GCA: variants seen among roughly 807,000 people sequenced by gnomAD.
GCA encodes grancalcin, EF-hand calcium-binding protein.
Under a neutral mutation model 32.6 loss-of-function variants are expected in GCA, and 30 were observed. That is an observed-to-expected ratio of 0.92 (90% CI 0.69 to 1.25). The LOEUF (loss-of-function observed/expected upper bound fraction) is 1.25. GCA is among the 50% of genes most tolerant of loss of function. GCA has a pLI of 0.00. For missense variants in GCA, 291 were observed against 266.8 expected (o/e 1.09, Z -0.63); for synonymous variants, 102 against 84.6 (o/e 1.21, Z -1.13).
rs1685836774 is a variant in GCA at position 162,368,855 on chromosome 2, A to G, written c.366-2451A>G. ...AAAAACCCCATGAGAATTGTGCTTC[A>G]TCATTTCTTATTCCTGGTTTTCTCA... On this transcript the variant is annotated intron_variant, in intron 4 of 4. Transcript: ENST00000414723. 2.0e-5 allele frequency among the ~76,000 whole-genome samples: 3 copies of G among 152,156 alleles called. No homozygotes were observed. The South Asian group carries it at 6.2e-4, about 32-fold the overall frequency.
At chr2:162,337,194 A>C (rs1334355248) in intron 1 of GCA, among the ~76,000 whole-genome samples, 6 of 152,304 alleles carry the variant, frequency 3.9e-5, no homozygotes. Flanking sequence ...AATGGAAGCA[A>C]TAGCAGGAAA....
In GCA at chr2:162,359,035, C is replaced by CT; in HGVS notation, c.455-3dup. On this transcript the variant is annotated splice_polypyrimidine_tract_variant and intron_variant, in intron 5 of 7. Coordinates refer to ENST00000437150, the MANE Select transcript of GCA (RefSeq NM_012198.5). ...TACATTTAGAAGTTTTAATTTATCTCTTTTTTAGGTTATAGGTTGAGTCCT... is the reference window on the plus strand; with the variant it reads ...TACATTTAGAAGTTTTAATTTATCTCTTTTTTTAGGTTATAGGTTGAGTCCT... The CT allele has an allele frequency of 2.2e-6, 3 of 1,336,880 alleles. No individual in the cohort carries two copies. The highest frequency in any genetic ancestry group is 1.8e-5 in the Admixed American group (1 of 54,904). The allele number at this position is 1,336,880 out of a possible 1,614,324, so 82.8% of individuals were successfully genotyped here.
chr2:162,334,391 AT>A, intron 1 of GCA, among the ~76,000 whole-genome samples: 1 of 152,282 alleles, frequency 6.6e-6, no homozygotes, highest in South Asian at 2.1e-4. Context: ...CTTCTACTTC[AT>A]TACCTCTACT....
At chr2:162,349,976 T>C (rs549603844) in intron 2 of GCA, among the ~76,000 whole-genome samples, 1 of 152,214 alleles carries the variant, frequency 6.6e-6, no homozygotes, top group Non-Finnish European at 1.5e-5. Flanking sequence ...TTAGACAATA[T>C]ACACAGAATT....
chr2:162,320,670 ATCAT>A (rs1683630361), intron 1 of GCA, among the ~76,000 whole-genome samples: 1 of 152,246 alleles, frequency 6.6e-6, no homozygotes, highest in African/African-American at 2.4e-5. Context: ...TTCAAATTAT[ATCAT>A]TCATTGTATC....
Position 162,371,321 on chromosome 2 carries a change from G to A in GCA, c.382G>A (p.Val128Ile), listed in dbSNP as rs376836298. 100 of 1,287,252 alleles carry A rather than the reference G, an allele frequency of 7.8e-5. No homozygotes were observed. In the African/African-American group the frequency reaches 1.2e-3, roughly 15 times the overall value. The allele number at this position is 1,287,252 out of a possible 1,614,324, so 79.7% of individuals were successfully genotyped here. A position where few individuals can be genotyped will look rare whatever the true frequency, so the allele number is the denominator to read the frequency against. ...TTTCTTCCAGTGTGGAGGAATGAACGTAATTAACTTTGAACATCTTGATAC... is the reference window on the plus strand; with the variant it reads ...TTTCTTCCAGTGTGGAGGAATGAACATAATTAACTTTGAACATCTTGATAC... Residue 128 changes from valine (V) to isoleucine (I), a missense_variant, in exon 5 of 5, where the codon GTA (valine) becomes ATA (isoleucine). Transcript: ENST00000414723.
At chr2:162,344,308 C>T (rs375545511) in intron 1 of GCA, 33 bp downstream of exon 1, 7 of 1,609,968 alleles carry the variant, frequency 4.3e-6, no homozygotes, top group Non-Finnish European at 5.9e-6. Flanking sequence ...TGTCCCTCTT[C>T]CTCGCGGGGT....
At chr2:162,359,593 A>G in intron 7 of GCA, 41 bp downstream of exon 7, 3 of 994,838 alleles carry the variant, frequency 3.0e-6, no homozygotes, top group South Asian at 1.7e-5. Flanking sequence ...CATTCTAGAT[A>G]GTTCTCAGTT....
Position 162,359,177 on chromosome 2 carries a change from A to AAGTCC in GCA, c.568+23_568+24insCCAGT. The stretch of plus-strand genomic sequence containing the variant: ...TGACAGGTATTGACTATTTAAAACT[A>AAGTCC]AGTGCACAGTGTTATGTAGCTATTT... On this transcript the variant is annotated intron_variant, in intron 6 of 7. Transcript: ENST00000437150. 1 of 1,296,964 alleles carries AAGTCC rather than the reference A, an allele frequency of 7.7e-7. No individual in the cohort carries two copies. The highest frequency in any genetic ancestry group is 1.1e-6 in the Non-Finnish European group (1 of 893,256). The allele number at this position is 1,296,964 out of a possible 1,614,324, so 80.3% of individuals were successfully genotyped here.
intron 1 of GCA, among the ~76,000 whole-genome samples, chr2:162,329,604 T>G (rs1019311308): frequency 6.6e-6 from 1 of 151,368 alleles, no homozygotes; most frequent in African/African-American, 2.4e-5. Flanking sequence ...ATATATTTAC[T>G]GGGGTCCATC....
intron 2 of GCA, among the ~76,000 whole-genome samples, chr2:162,349,686 T>A (rs749871294): frequency 2.6e-5 from 4 of 152,074 alleles, no homozygotes; most frequent in Admixed American, 2.0e-4. Flanking sequence ...GTTGGGGCAA[T>A]GTATCAAAGA....
At chr2:162,327,351 T>G (rs1275427320) in intron 1 of GCA, among the ~76,000 whole-genome samples, 2 of 151,778 alleles carry the variant, frequency 1.3e-5, no homozygotes, top group African/African-American at 4.8e-5. Flanking sequence ...AGAAACATTG[T>G]GGGGGGCAGG....
At chr2:162,340,299 T>C (rs1684399131), upstream of GCA, among the ~76,000 whole-genome samples, 1 of 152,120 alleles carries the variant, frequency 6.6e-6, no homozygotes, top group Non-Finnish European at 1.5e-5. Context: ...AAATTTAACA[T>C]CTCCAATATT....
At chr2:162,373,837 A>G (rs1686057732), downstream of GCA, among the ~76,000 whole-genome samples, 2 of 152,224 alleles carry the variant, frequency 1.3e-5, no homozygotes, top group African/African-American at 4.8e-5. Flanking sequence ...TGTATGTCTC[A>G]CTAATTATTC....
At chr2:162,343,824 G>C (rs111809492), upstream of GCA, among the ~76,000 whole-genome samples, 5 of 152,338 alleles carry the variant, frequency 3.3e-5, 1 homozygote, top group African/African-American at 1.2e-4. Context: ...AAAGTAACTT[G>C]AGGAGTTGAA....
chr2:162,344,034 G>A, upstream of GCA: 1 of 604,244 alleles, frequency 1.7e-6, no homozygotes, highest in Non-Finnish European at 3.0e-6. Context: ...GACTGCAGCT[G>A]AGTTGGCTCC....
At chr2:162,369,202 A>ATGGTACATT (rs1246506287) in intron 4 of GCA, among the ~76,000 whole-genome samples, 2 of 152,038 alleles carry the variant, frequency 1.3e-5, no homozygotes, top group African/African-American at 2.4e-5. Context: ...AGGGGGGATG[A>ATGGTACATT]TGGTACATTT....
chr2:162,331,902 T>C (rs1488327897), intron 1 of GCA, among the ~76,000 whole-genome samples: 1 of 152,186 alleles, frequency 6.6e-6, no homozygotes, highest in Non-Finnish European at 1.5e-5. Context: ...ACACATATTT[T>C]CAGCAATTTA....
intron 4 of GCA, among the ~76,000 whole-genome samples, chr2:162,371,110 A>G (rs1383442663): frequency 1.3e-5 from 2 of 152,116 alleles, no homozygotes; most frequent in Admixed American, 1.3e-4. Context: ...AAGCAAAATG[A>G]GAGAAATTTG....
Sources: allele counts gnomAD v4.1 joint callset (sites outside exome capture counted in the v4.1 genomes callset), GRCh38; gene constraint gnomAD v4.1.1; transcripts MANE v1.5; gene names NCBI Gene and HGNC (gene_info 2026-07-23, HGNC 2026-07-21).